GALNT17: variants seen among roughly 807,000 people sequenced by gnomAD.
GALNT17 encodes polypeptide N-acetylgalactosaminyltransferase 17, also known as UDP-GalNAc:polypeptide N-acetylgalactosaminyltransferase-like 3.
Under a neutral mutation model 63.7 loss-of-function variants are expected in GALNT17, and 29 were observed. The ratio of observed to expected loss-of-function variants is 0.46; its 90% CI spans 0.34 to 0.62. The LOEUF (loss-of-function observed/expected upper bound fraction) is 0.62. GALNT17 is among the 20% of genes least tolerant of loss of function. The probability of loss-of-function intolerance (pLI) is 0.01; values close to 1 mark genes in which losing one functional copy is unlikely to be tolerated. For missense variants in GALNT17, 603 were observed against 799.6 expected, an observed-to-expected ratio of 0.75 and a Z score of 2.97; for synonymous variants, 305 against 318.3, an observed-to-expected ratio of 0.96 and a Z score of 0.45.
At chr7:71,217,626 C>T (rs964105403) in intron 1 of GALNT17, among the ~76,000 whole-genome samples, 1 of 151,864 alleles carries the variant, frequency 6.6e-6, no homozygotes, top group Non-Finnish European at 1.5e-5. Context: ...TGTACATAGT[C>T]GTTGTTAAAA....
At position 71,420,943 on chromosome 7, in the gene GALNT17, G is replaced by A. The variant is rs751565301; in HGVS notation, c.800G>A (p.Arg267Gln). Residue 267 changes from arginine (R) to glutamine (Q), a missense_variant, in exon 5 of 11, where the codon CGG (arginine) becomes CAG (glutamine). Arg to Gln is a conservative substitution (Grantham distance 43, BLOSUM62 1). Coordinates refer to ENST00000333538, the MANE Select transcript of GALNT17 (RefSeq NM_022479.3). ...EPVLSRIQEN[R>Q]KRVILPSIDN... Reference sequence around the variant, plus strand: ...GTTCTATCCCGCATCCAGGAAAACCGGAAGCGTGTGATCCTCCCCTCCATT... The same window carrying A: ...GTTCTATCCCGCATCCAGGAAAACCAGAAGCGTGTGATCCTCCCCTCCATT... 31 of 1,614,008 alleles carry A rather than the reference G, an allele frequency of 1.9e-5. No individual in the cohort carries two copies. The highest frequency in any genetic ancestry group is 8.8e-5 in the South Asian group (8 of 91,082).
Position 71,233,488 on chromosome 7 carries a change from G to C in GALNT17, c.238+100448G>C, listed in dbSNP as rs79375423. 5.6e-3 allele frequency among the ~76,000 whole-genome samples: 848 copies of C among 152,330 alleles called. 4 individuals are homozygous for C. The highest frequency in any genetic ancestry group is 8.9e-3 in the Non-Finnish European group (604 of 68,022). ...AGGCCAATGAATTAAATTGCAAAGA[G>C]AGATAGAACTGCTCCAGAGCCTAGC... is the stretch of plus-strand genomic sequence containing the variant. On this transcript the variant is annotated intron_variant, in intron 1 of 10. Coordinates refer to ENST00000333538, the MANE Select transcript of GALNT17 (RefSeq NM_022479.3).
intron 5 of GALNT17, among the ~76,000 whole-genome samples, chr7:71,438,508 A>G (rs1787008063): frequency 6.6e-6 from 1 of 152,222 alleles, no homozygotes; most frequent in African/African-American, 2.4e-5. Flanking sequence ...AATCCAATCA[A>G]GTTGACACTC....
intron 2 of GALNT17, among the ~76,000 whole-genome samples, chr7:71,359,820 G>A (rs985360203): frequency 6.6e-6 from 1 of 152,100 alleles, no homozygotes; most frequent in Non-Finnish European, 1.5e-5. Flanking sequence ...CTGACCTCAG[G>A]TGATCCACCT....
chr7:71,286,121 C>T (rs970682648), intron 1 of GALNT17, among the ~76,000 whole-genome samples: 4 of 152,148 alleles, frequency 2.6e-5, no homozygotes, highest in East Asian at 1.9e-4. Context: ...AAATATCTTG[C>T]GTTTGCAAAT....
intron 1 of GALNT17, among the ~76,000 whole-genome samples, chr7:71,293,813 C>T (rs982184635): frequency 3.3e-5 from 5 of 152,172 alleles, no homozygotes; most frequent in African/African-American, 1.2e-4. Flanking sequence ...CTGTTAGTTT[C>T]ATGGTATTTT....
intron 1 of GALNT17, among the ~76,000 whole-genome samples, chr7:71,319,096 A>ATCTTTCTTTCTTTCTTTCTTTCTT (rs11272198): frequency 0.066 from 8,669 of 131,920 alleles, 404 homozygotes; most frequent in South Asian, 0.086. Context: ...ATTTTTGTTT[A>ATCTTTCTTTCTTTCTTTCTTTCTT]TCTTTCTTTC....
At chr7:71,382,653 A>G (rs1792868573) in intron 2 of GALNT17, among the ~76,000 whole-genome samples, 1 of 152,000 alleles carries the variant, frequency 6.6e-6, no homozygotes, top group East Asian at 1.9e-4. Context: ...TGAAGTGGTG[A>G]CAGGAAGGAG....
Position 71,557,944 on chromosome 7 carries a change from G to A in GALNT17, c.963-13341G>A, listed in dbSNP as rs564887380. Reference sequence around the variant, plus strand: ...CAAAAATTAGCCGAGCATCGTGGTGGGTGCCTGTAATGTCAGCCACTCAGG... The same window carrying A: ...CAAAAATTAGCCGAGCATCGTGGTGAGTGCCTGTAATGTCAGCCACTCAGG... On this transcript the variant is annotated intron_variant, in intron 5 of 10. Transcript: ENST00000333538. Among the ~76,000 whole-genome samples, 23 of 150,646 alleles carry A rather than the reference G, an allele frequency of 1.5e-4. No individual in the cohort carries two copies. In the East Asian group the frequency reaches 4.3e-3, roughly 28 times the overall value.
intron 5 of GALNT17, among the ~76,000 whole-genome samples, chr7:71,500,186 TA>T (rs1291715104): frequency 6.6e-6 from 1 of 152,162 alleles, no homozygotes; most frequent in African/African-American, 2.4e-5. Flanking sequence ...CTAGAGCAAT[TA>T]TTGACAATTA....
intron 1 of GALNT17, among the ~76,000 whole-genome samples, chr7:71,304,791 C>T (rs781478753): frequency 6.6e-6 from 1 of 151,876 alleles, no homozygotes; most frequent in Non-Finnish European, 1.5e-5. Context: ...CTCTTGTTGC[C>T]CAGGCTGGAG....
chr7:71,543,142 C>T (rs538842843), intron 5 of GALNT17, among the ~76,000 whole-genome samples: 1 of 152,030 alleles, frequency 6.6e-6, no homozygotes, highest in African/African-American at 2.4e-5. Flanking sequence ...CATTTCATGG[C>T]TGTGAATATG....
intron 5 of GALNT17, among the ~76,000 whole-genome samples, chr7:71,425,053 T>C (rs1208169152): frequency 6.6e-6 from 1 of 152,052 alleles, no homozygotes; most frequent in Non-Finnish European, 1.5e-5. Context: ...TGTCCTCCAC[T>C]TTTATTTTTC....
At chr7:71,439,175 G>C (rs1429646690) in intron 5 of GALNT17, among the ~76,000 whole-genome samples, 3 of 152,118 alleles carry the variant, frequency 2.0e-5, no homozygotes, top group African/African-American at 7.2e-5. Flanking sequence ...TTTGCCAGGG[G>C]TGAACCACTG....
intron 1 of GALNT17, among the ~76,000 whole-genome samples, chr7:71,241,978 C>T (rs577333502): frequency 4.3e-4 from 65 of 152,226 alleles, no homozygotes; most frequent in Admixed American, 1.2e-3. Flanking sequence ...AAGCATGGTG[C>T]CAGCATCTGC....
rs188991999 is a variant in GALNT17, at chr7:71,574,542, A to C, written c.1080+3140A>C. On this transcript the variant is annotated intron_variant, in intron 6 of 10. Coordinates refer to ENST00000333538, the MANE Select transcript of GALNT17 (RefSeq NM_022479.3). The stretch of plus-strand genomic sequence containing the variant: ...TCCTGCAGGCTGCAAGGTGATCTTG[A>C]CATAAGCCTTGGTTTTCTGCCAGTT... Among the ~76,000 whole-genome samples the C allele has an allele frequency of 2.7e-3, 416 of 152,296 alleles. 2 individuals are homozygous for C. The highest frequency in any genetic ancestry group is 0.018 in the Admixed American group (279 of 15,298).
intron 9 of GALNT17, among the ~76,000 whole-genome samples, chr7:71,710,260 A>T (rs1364547292): frequency 6.6e-6 from 1 of 152,192 alleles, no homozygotes; most frequent in Non-Finnish European, 1.5e-5. Flanking sequence ...CTGTAATCCC[A>T]GCACTTTGAG....
At chr7:71,222,355 C>T (rs994623320) in intron 1 of GALNT17, among the ~76,000 whole-genome samples, 4 of 152,196 alleles carry the variant, frequency 2.6e-5, no homozygotes, top group Non-Finnish European at 2.9e-5. Flanking sequence ...TACAGTGGCT[C>T]GATCTCGGCT....
At chr7:71,377,148 C>A (rs1242407041) in intron 2 of GALNT17, among the ~76,000 whole-genome samples, 1 of 117,326 alleles carries the variant, frequency 8.5e-6, no homozygotes, top group African/African-American at 3.4e-5. Context: ...TATAAAATCT[C>A]CTTCTGATGA....
Sources: gnomAD v4.1 joint callset for allele counts (sites outside exome capture counted in the v4.1 genomes callset) on GRCh38, gnomAD v4.1.1 for gene constraint, MANE v1.5 for transcripts, NCBI Gene and HGNC (gene_info 2026-07-23, HGNC 2026-07-21) for gene names.